The following NWD2 variants were observed in gnomAD, a reference collection of about 807,000 sequenced individuals.
The protein encoded by NWD2 is NACHT and WD repeat domain-containing protein 2.
Under a neutral mutation model 132.7 loss-of-function variants are expected in NWD2, and 37 were observed. The observed-to-expected ratio is 0.28, with a 90% CI of 0.21 to 0.37. NWD2 has a LOEUF of 0.37. Ranked by LOEUF, NWD2 falls within the 10% of genes least tolerant of loss-of-function variation. NWD2 has a pLI of 1.00. For missense variants in NWD2, 1,592 were observed against 2,122.4 expected (o/e 0.75, Z 4.91); for synonymous variants, 705 against 803.0 (o/e 0.88, Z 2.06).
rs1253558298 is a variant in NWD2 at position 37,448,529 on chromosome 4, A to G, written c.*1312A>G. 6.6e-6 allele frequency: 1 copy of G among 152,206 alleles called. No individual in the cohort carries two copies. Among genetic ancestry groups the G allele is most frequent in the Non-Finnish European group, 1.5e-5 (1 of 68,032 alleles). 9.4% of individuals were successfully genotyped at this position (152,206 alleles called of 1,614,324 possible). ...AAACATTGCATCTCAAAAGGTGAAG[A>G]TGATTGTTCTTTCTTCCATATCCTC... On this transcript the variant is annotated 3_prime_UTR_variant, in exon 7 of 7. Coordinates refer to ENST00000309447, the MANE Select transcript of NWD2 (RefSeq NM_001144990.2).
At chr4:37,285,676 A>G (rs1372037817) in intron 1 of NWD2, among the ~76,000 whole-genome samples, 1 of 152,122 alleles carries the variant, frequency 6.6e-6, no homozygotes, top group Admixed American at 6.5e-5. Context: ...TACTTTCTAA[A>G]TTAGGTTTGG....
intron 3 of NWD2, among the ~76,000 whole-genome samples, chr4:37,405,190 C>T (rs575151610): frequency 6.6e-6 from 1 of 152,272 alleles, no homozygotes; most frequent in African/African-American, 2.4e-5. Context: ...ATCTTTATGA[C>T]AGCATCATCT....
At chr4:37,385,591 C>T (rs1015285127) in intron 3 of NWD2, among the ~76,000 whole-genome samples, 5 of 152,218 alleles carry the variant, frequency 3.3e-5, no homozygotes, top group South Asian at 2.1e-4. Flanking sequence ...GGTGAAAAAC[C>T]GGAAAGTGTT....
intron 4 of NWD2, among the ~76,000 whole-genome samples, chr4:37,432,347 C>T (rs1457853753): frequency 7.9e-6 from 1 of 127,160 alleles, no homozygotes; most frequent in African/African-American, 3.1e-5. Flanking sequence ...TTGAATAATA[C>T]ATGTGAGGGT....
At chr4:37,380,309 C>T (rs889637187) in intron 3 of NWD2, among the ~76,000 whole-genome samples, 4 of 152,178 alleles carry the variant, frequency 2.6e-5, no homozygotes, top group African/African-American at 9.7e-5. Flanking sequence ...ATGTGTGCTG[C>T]AGTAGACAGT....
At chr4:37,264,825 ACAT>A (rs1367605466) in intron 1 of NWD2, among the ~76,000 whole-genome samples, 2 of 152,166 alleles carry the variant, frequency 1.3e-5, no homozygotes, top group African/African-American at 4.8e-5. Context: ...TATTTTCACA[ACAT>A]AATACCATTG....
intron 2 of NWD2, among the ~76,000 whole-genome samples, chr4:37,341,082 G>A (rs1449481302): frequency 2.6e-5 from 4 of 152,148 alleles, no homozygotes; most frequent in Non-Finnish European, 4.4e-5. Flanking sequence ...CTTTGTAATG[G>A]TTCAAAGTGA....
At chr4:37,442,315 G>A (rs970619707) in intron 6 of NWD2, among the ~76,000 whole-genome samples, 6 of 152,146 alleles carry the variant, frequency 3.9e-5, no homozygotes, top group Non-Finnish European at 8.8e-5. Context: ...AGTATTTTAT[G>A]CCTTGGGCAT....
intron 1 of NWD2, among the ~76,000 whole-genome samples, chr4:37,286,580 A>G (rs1037524426): frequency 2.6e-5 from 4 of 152,230 alleles, no homozygotes; most frequent in African/African-American, 9.6e-5. Flanking sequence ...CAGTAGAAAG[A>G]ACACAAGCCC....
intron 1 of NWD2, among the ~76,000 whole-genome samples, chr4:37,273,211 T>C (rs1717911031): frequency 6.6e-6 from 1 of 151,882 alleles, no homozygotes; most frequent in Non-Finnish European, 1.5e-5. Flanking sequence ...TGCATTTTCA[T>C]TATGTCATTC....
intron 3 of NWD2, among the ~76,000 whole-genome samples, chr4:37,359,302 C>T (rs922348632): frequency 4.6e-5 from 7 of 152,072 alleles, no homozygotes; most frequent in Admixed American, 2.0e-4. Context: ...AGGGAAACCA[C>T]GATAAAACCC....
Position 37,446,418 on chromosome 4 carries a change from A to G in NWD2, c.4430A>G (p.Asp1477Gly), listed in dbSNP as rs1292536443. ...ATCACCAAGAAATTTTGCTGTGAAG[A>G]TGGGACCACCATCGTGAATTTTAAA... The part of the protein sequence containing the change: ...GSITKKFCCE[D>G]GTTIVNFKLI... Residue 1477 changes from aspartate (D) to glycine (G), a missense_variant, in exon 7 of 7, where the codon GAT becomes GGT. Asp to Gly is a moderately conservative substitution (Grantham distance 94). This residue lies in a region of NWD2 where 257 missense variants were observed against 335.0 expected (regional missense o/e 0.77). Coordinates refer to ENST00000309447, the MANE Select transcript of NWD2 (RefSeq NM_001144990.2). The surrounding 1 kb of genome is among the most constrained non-coding windows in gnomAD (Gnocchi z 6.7). 5.8e-6 allele frequency: 9 copies of G among 1,551,814 alleles called. No individual in the cohort carries two copies. Among genetic ancestry groups the G allele is most frequent in the East Asian group, 2.4e-5 (1 of 40,932 alleles).
chr4:37,283,063 T>G (rs1718161318), intron 1 of NWD2, among the ~76,000 whole-genome samples: 1 of 152,172 alleles, frequency 6.6e-6, no homozygotes, highest in Non-Finnish European at 1.5e-5. Flanking sequence ...CCATCTGACA[T>G]GAGGCTCTGA....
rs909508649 is a variant in NWD2, at chr4:37,439,325, C to T, written c.1231C>T (p.Pro411Ser). The T allele has an allele frequency of 6.5e-7, 1 of 1,545,086 alleles. No individual in the cohort carries two copies. The highest frequency in any genetic ancestry group is 8.7e-7 in the Non-Finnish European group (1 of 1,144,842). The change falls in exon 6 of 7, where the codon CCT becomes TCT. Residue 411 changes from proline to serine, a missense_variant. Pro to Ser is a moderately conservative substitution (Grantham distance 74). Around this residue, in one of 7 missense-constraint regions of NWD2, gnomAD observed 1,071 missense variants for 1,398.0 expected, o/e 0.77. Coordinates refer to ENST00000309447, the MANE Select transcript of NWD2 (RefSeq NM_001144990.2). This position sits in a 1 kb window ranked among gnomAD's most constrained non-coding sequence, Gnocchi z 4.5. ...TCCAAGCAAAGCTGGACACATCAACCCTCTTATTATATATGGTGGGCCATG... is the reference window on the plus strand; with the variant it reads ...TCCAAGCAAAGCTGGACACATCAACTCTCTTATTATATATGGTGGGCCATG... ...ILPSKAGHIN[P>S]LIIYGGPCTG...
In NWD2 at chr4:37,382,990, G is replaced by A. The variant is rs114658308; in HGVS notation, c.357+26508G>A. Among the ~76,000 whole-genome samples, 606 of 151,916 alleles carry A rather than the reference G, an allele frequency of 4.0e-3. 6 individuals carry two copies. The highest frequency in any genetic ancestry group is 0.014 in the African/African-American group (579 of 41,422). Reference sequence around the variant, plus strand: ...GTTACTGATGTAAGCCACCGCACCCGGCCGCCTGAAAAAAACTCCTGAGCT... The same window carrying A: ...GTTACTGATGTAAGCCACCGCACCCAGCCGCCTGAAAAAAACTCCTGAGCT... On this transcript the variant is annotated intron_variant, in intron 3 of 6. Transcript: ENST00000309447.
intron 3 of NWD2, among the ~76,000 whole-genome samples, chr4:37,411,829 C>T (rs1022102244): frequency 6.6e-6 from 1 of 152,148 alleles, no homozygotes; most frequent in African/African-American, 2.4e-5. Context: ...GCTGGTTCAA[C>T]ATATGTGAAT....
intron 1 of NWD2, among the ~76,000 whole-genome samples, chr4:37,268,888 C>T (rs1717812560): frequency 1.3e-5 from 2 of 151,784 alleles, no homozygotes; most frequent in South Asian, 4.2e-4. Context: ...CTCTGCATAG[C>T]CCAGCGGCAT....
At chr4:37,311,097 T>A (rs1389506491) in intron 1 of NWD2, among the ~76,000 whole-genome samples, 3 of 152,138 alleles carry the variant, frequency 2.0e-5, no homozygotes, top group Non-Finnish European at 4.4e-5. Context: ...TAAACATACG[T>A]GTGCATGTGT....
chr4:37,257,202 G>A (rs372194989), intron 1 of NWD2, among the ~76,000 whole-genome samples: 364 of 152,318 alleles, frequency 2.4e-3, no homozygotes, highest in South Asian at 4.1e-3. Context: ...GACTGTGGCC[G>A]TGTGGTGTGG....
Sources: allele counts gnomAD v4.1 joint callset (sites outside exome capture counted in the v4.1 genomes callset), GRCh38; gene constraint gnomAD v4.1.1; regional missense constraint gnomAD v4.1.1; non-coding constraint Gnocchi (gnomAD v3.1); transcripts MANE v1.5; gene names NCBI Gene and HGNC (gene_info 2026-07-23, HGNC 2026-07-21).